Variants in DNAAF10 observed in about 807,000 individuals in gnomAD.
DNAAF10 encodes the protein WD repeat domain 92.
DNAAF10 carries 28 observed loss-of-function variants against 43.7 expected under a neutral mutation model. The observed-to-expected ratio is 0.64, with a 90% confidence interval of 0.48 to 0.88. DNAAF10 has a LOEUF of 0.88. Among genes scored for constraint, DNAAF10 ranks in the 40% least tolerant of loss-of-function variants. The pLI is 0.00. For synonymous variants in DNAAF10, 156 were observed against 157.3 expected, an observed-to-expected ratio of 0.99 and a Z score of 0.06; for missense variants, 403 against 439.1, an observed-to-expected ratio of 0.92 and a Z score of 0.73.
chr2:68,137,361 A>T lies in DNAAF10; in HGVS notation c.706T>A (p.Phe236Ile). ...TGTGTTCTCATGTCAAAAACATGGA[A>T]CTTTCCTTCCAGAGATGTGGCTACT... The part of the protein sequence containing the change: ...KLVATSLEGK[F>I]HVFDMRTQHP... The change falls in exon 6 of 8, where the codon TTC becomes ATC. Residue 236 changes from phenylalanine to isoleucine, a missense_variant. Physicochemically the swap from Phe to Ile is conservative, Grantham distance 21 (BLOSUM62 0). Transcript: ENST00000295121. 6.2e-7 allele frequency: 1 copy of T among 1,613,806 alleles called. No individual in the cohort carries two copies. The highest frequency in any genetic ancestry group is 8.5e-7 in the Non-Finnish European group (1 of 1,179,866).
intron 1 of DNAAF10, 162 bp downstream of exon 1, chr2:68,157,099 A>C: frequency 1.0e-6 from 1 of 1,000,232 alleles, no homozygotes; most frequent in Admixed American, 2.8e-5. Context: ...GAAAGGTTTT[A>C]AATAGGAAAC....
rs1336003696 is a variant in DNAAF10 at position 68,157,263 on chromosome 2, C to T, written c.181G>A (p.Glu61Lys). 5 of 1,612,464 alleles carry T rather than the reference C, an allele frequency of 3.1e-6. No homozygotes were observed. In the Middle Eastern group the frequency reaches 4.9e-4, roughly 159 times the overall value. The change falls in exon 1 of 8, where the codon GAG (glutamate) becomes AAG (lysine). Residue 61 changes from glutamate to lysine, a missense_variant and splice_region_variant. Glu to Lys is a moderately conservative substitution (Grantham distance 56, BLOSUM62 1). Coordinates refer to ENST00000295121, the MANE Select transcript of DNAAF10 (RefSeq NM_138458.4). Reference sequence around the variant, plus strand: ...CGGATCCTCGACCCGGCACCCACCTCCCGAAGCAGCTTCAGGTCCCCGTGC... The same window carrying T: ...CGGATCCTCGACCCGGCACCCACCTTCCGAAGCAGCTTCAGGTCCCCGTGC... ...IQHGDLKLLR[E>K]IEKAKPIKCG...
chr2:68,157,066 A>C, intron 1 of DNAAF10, 195 bp downstream of exon 1: 1 of 780,244 alleles, frequency 1.3e-6, no homozygotes. Context: ...TTGGGCGCGG[A>C]GGAACTACCC....
chr2:68,142,177 C>T lies in DNAAF10; in HGVS notation c.416-382G>A, dbSNP rs564840016. ...AATTTTTACTTTTTTCCTTATTACC[C>T]ATTTTAACCATTGGCATGAATACAC... On this transcript the variant is annotated intron_variant, in intron 3 of 7. Coordinates refer to ENST00000295121, the MANE Select transcript of DNAAF10 (RefSeq NM_138458.4). 2.0e-5 allele frequency among the ~76,000 whole-genome samples: 3 copies of T among 152,286 alleles called. No individual in the cohort carries two copies. In the South Asian group the frequency reaches 6.2e-4, roughly 32 times the overall value.
intron 3 of DNAAF10, among the ~76,000 whole-genome samples, chr2:68,142,251 C>G (rs924308818): frequency 6.6e-6 from 1 of 151,988 alleles, no homozygotes; most frequent in African/African-American, 2.4e-5. Context: ...AATACTATTT[C>G]TTTTTCTTTC....
chr2:68,149,248 A>G (rs1038564855), intron 1 of DNAAF10, among the ~76,000 whole-genome samples: 3 of 152,224 alleles, frequency 2.0e-5, no homozygotes, highest in African/African-American at 7.2e-5. Flanking sequence ...ATTATATGGT[A>G]TAGGGCTTTG....
chr2:68,131,515 C>A, intron 7 of DNAAF10, 70 bp from the exon 8 acceptor site: 15 of 1,397,396 alleles, frequency 1.1e-5, no homozygotes, highest in East Asian at 2.3e-5. Flanking sequence ...TATACATACA[C>A]TTCAATGACT....
chr2:68,144,541 C>T (rs1399581853), intron 3 of DNAAF10, 44 bp downstream of exon 3: 2 of 1,601,646 alleles, frequency 1.2e-6, no homozygotes, highest in Admixed American at 3.6e-5. Flanking sequence ...ATAGAGATTT[C>T]CATTAAAATA....
chr2:68,134,691 G>A lies in DNAAF10; in HGVS notation c.866+11C>T. The A allele has an allele frequency of 6.2e-7, 1 of 1,608,512 alleles. No individual in the cohort carries two copies. The highest frequency in any genetic ancestry group is 1.3e-5 in the African/African-American group (1 of 74,530). On this transcript the variant is annotated intron_variant, in intron 7 of 7. Transcript: ENST00000295121. ...AACTTTAAAAGGAGCAGTGTGCACTGGCAGACTTACTACTTCCAGAGGTGA... is the reference window on the plus strand; with the variant it reads ...AACTTTAAAAGGAGCAGTGTGCACTAGCAGACTTACTACTTCCAGAGGTGA...
rs192164747 is a variant in DNAAF10 at position 68,156,387 on chromosome 2, C to G, written c.183+874G>C. On this transcript the variant is annotated intron_variant, in intron 1 of 7. Transcript: ENST00000295121. The stretch of plus-strand genomic sequence containing the variant: ...CCCTGCACTTGTAGTCTATTACAAC[C>G]CTGATCTGATAATGACTGATCATTT... 7.8e-4 allele frequency among the ~76,000 whole-genome samples: 118 copies of G among 152,246 alleles called. No individual in the cohort carries two copies. The East Asian group carries it at 9.8e-3, about 13-fold the overall frequency.
chr2:68,153,624 A>C (rs1227641959), intron 1 of DNAAF10, among the ~76,000 whole-genome samples: 1 of 152,050 alleles, frequency 6.6e-6, no homozygotes, highest in Non-Finnish European at 1.5e-5. Context: ...ACACACACAC[A>C]AGCCACAAAA....
rs574399963 is a variant in DNAAF10, at chr2:68,134,490, T to G, written c.866+212A>C. The G allele has an allele frequency of 3.7e-6, 5 of 1,358,438 alleles. No individual in the cohort carries two copies. In the African/African-American group the frequency reaches 6.2e-5, roughly 17 times the overall value. The allele number at this position is 1,358,438 out of a possible 1,614,324, so 84.1% of individuals were successfully genotyped here. On this transcript the variant is annotated intron_variant, in intron 7 of 7. Coordinates refer to ENST00000295121, the MANE Select transcript of DNAAF10 (RefSeq NM_138458.4). Reference sequence around the variant, plus strand: ...ACACAACTAAAATGATATACTAAAATGTATCAAAAGAAGATTAGTGTACAC... The same window carrying G: ...ACACAACTAAAATGATATACTAAAAGGTATCAAAAGAAGATTAGTGTACAC...
chr2:68,144,316 T>C (rs888925411), intron 3 of DNAAF10, among the ~76,000 whole-genome samples: 1 of 152,234 alleles, frequency 6.6e-6, no homozygotes, highest in Non-Finnish European at 1.5e-5. Context: ...CCTTCAAGGT[T>C]CAGAGGAAAC....
rs1233385271 is a variant in DNAAF10 at position 68,131,393 on chromosome 2, C to T, written c.919G>A (p.Val307Ile). The change falls in exon 8 of 8, where the codon GTC (valine) becomes ATC (isoleucine). Residue 307 changes from valine (V) to isoleucine (I), a missense_variant. Coordinates refer to ENST00000295121, the MANE Select transcript of DNAAF10 (RefSeq NM_138458.4). ...KKDSEGIEMG[V>I]AGSVSLLQNV... ...TGCAGAAGGCTTACAGAACCTGCGA[C>T]TCCCATTTCTATTCCCTCAGAATCT... 3 of 1,614,036 alleles carry T rather than the reference C, an allele frequency of 1.9e-6. No individual in the cohort carries two copies. The highest frequency in any genetic ancestry group is 2.5e-6 in the Non-Finnish European group (3 of 1,180,042).
intron 2 of DNAAF10, 29 bp downstream of exon 2, chr2:68,147,436 ATC>A (rs1276523715): frequency 2.0e-6 from 3 of 1,524,744 alleles, no homozygotes; most frequent in Non-Finnish European, 2.7e-6. Flanking sequence ...TGCCTATCTC[ATC>A]TGTCTGAATA....
chr2:68,133,264 G>T (rs570248996), intron 7 of DNAAF10, among the ~76,000 whole-genome samples: 20 of 152,106 alleles, frequency 1.3e-4, no homozygotes, highest in African/African-American at 4.3e-4. Context: ...AGTCTCTGTC[G>T]CTCTGTCTCA....
intron 1 of DNAAF10, among the ~76,000 whole-genome samples, chr2:68,149,385 C>G (rs1030403468): frequency 1.3e-5 from 2 of 152,178 alleles, no homozygotes; most frequent in Admixed American, 6.5e-5. Context: ...CAGCCACGTA[C>G]AGTAACATGT....
At chr2:68,151,827 T>C (rs1346520362) in intron 1 of DNAAF10, among the ~76,000 whole-genome samples, 6 of 152,216 alleles carry the variant, frequency 3.9e-5, no homozygotes, top group African/African-American at 1.2e-4. Context: ...TTTTAGATAT[T>C]CTTCCAGTCT....
At chr2:68,131,849 G>T in intron 7 of DNAAF10, 1 of 195,100 alleles carries the variant, frequency 5.1e-6, no homozygotes, top group Non-Finnish European at 1.1e-5. Flanking sequence ...CAAAGGCAAT[G>T]GCTGTAAGTA....
Sources: gnomAD v4.1 joint callset for allele counts (sites outside exome capture counted in the v4.1 genomes callset) on GRCh38, gnomAD v4.1.1 for gene constraint, MANE v1.5 for transcripts, NCBI Gene and HGNC (gene_info 2026-07-23, HGNC 2026-07-21) for gene names.